ZNF875: variants seen among roughly 807,000 people sequenced by gnomAD.
ZNF875 encodes the protein HKR1, GLI-Kruppel zinc finger family member.
Under a neutral mutation model 11.2 loss-of-function variants are expected in ZNF875, and 14 were observed. The ratio of observed to expected loss-of-function variants is 1.26; its 90% CI spans 0.83 to 1.96. The LOEUF (loss-of-function observed/expected upper bound fraction) is 1.96. Ranked by LOEUF, ZNF875 falls within the 30% of genes most tolerant of loss-of-function variation. The pLI, the probability that ZNF875 is intolerant of heterozygous loss-of-function variation, is 0.00. For synonymous variants in ZNF875, 301 were observed against 281.1 expected, an observed-to-expected ratio of 1.07 and a Z score of -0.71; for missense variants, 752 against 760.4, an observed-to-expected ratio of 0.99 and a Z score of 0.13.
At chr19:37,321,500 C>G (rs1332804951) in intron 1 of ZNF875, among the ~76,000 whole-genome samples, 1 of 152,132 alleles carries the variant, frequency 6.6e-6, no homozygotes, top group Non-Finnish European at 1.5e-5. Flanking sequence ...AGATAATGAT[C>G]AATAAATACT....
chr19:37,351,253 T>C (rs2037846099), intron 4 of ZNF875, among the ~76,000 whole-genome samples: 1 of 152,226 alleles, frequency 6.6e-6, no homozygotes. Flanking sequence ...TATTCCCAAA[T>C]TTCTTTAAAA....
chr19:37,329,512 G>T (rs1198708621), intron 4 of ZNF875, among the ~76,000 whole-genome samples: 1 of 152,138 alleles, frequency 6.6e-6, no homozygotes, highest in African/African-American at 2.4e-5. Flanking sequence ...AGTGCAGTTT[G>T]TCTCTACTGG....
upstream of ZNF875, among the ~76,000 whole-genome samples, chr19:37,316,516 T>G (rs2030201722): frequency 6.8e-6 from 1 of 146,572 alleles, no homozygotes; most frequent in African/African-American, 2.6e-5. Context: ...ATTACAGGCA[T>G]GTGCCACCAC....
At chr19:37,350,858 G>T (rs1345306458) in intron 4 of ZNF875, among the ~76,000 whole-genome samples, 2 of 138,810 alleles carry the variant, frequency 1.4e-5, no homozygotes, top group Non-Finnish European at 1.5e-5. Flanking sequence ...AGGCTGGAGT[G>T]CAGTGGTGCA....
intron 2 of ZNF875, among the ~76,000 whole-genome samples, 178 bp downstream of exon 2, chr19:37,335,435 G>C (rs2034153842): frequency 6.6e-6 from 1 of 152,150 alleles, no homozygotes; most frequent in South Asian, 2.1e-4. Flanking sequence ...TTCTGTCGCT[G>C]TTCAGGGCGC....
intron 4 of ZNF875, among the ~76,000 whole-genome samples, chr19:37,325,560 T>C (rs2032284855): frequency 6.6e-6 from 1 of 152,032 alleles, no homozygotes; most frequent in Non-Finnish European, 1.5e-5. Flanking sequence ...CTTTTTTTTT[T>C]TTTGAGACAG....
chr19:37,329,303 C>T (rs1039988591), intron 4 of ZNF875, among the ~76,000 whole-genome samples: 5 of 152,136 alleles, frequency 3.3e-5, no homozygotes, highest in African/African-American at 1.2e-4. Flanking sequence ...CTGTGGTCTG[C>T]ATGTCCATGT....
chr19:37,334,705 T>A lies in ZNF875; in HGVS notation c.-134T>A, dbSNP rs755947871. ...TGGTTGGGACCCGGGAAGGCCTCCCTCTTAAGGTCTTTCCCACACCTCTGC... is the reference window on the plus strand; with the variant it reads ...TGGTTGGGACCCGGGAAGGCCTCCCACTTAAGGTCTTTCCCACACCTCTGC... On this transcript the variant is annotated 5_prime_UTR_variant, in exon 1 of 5. Coordinates refer to ENST00000392153, the MANE Select transcript of ZNF875 (RefSeq NM_001353803.2). 2 of 456,048 alleles carry A rather than the reference T, an allele frequency of 4.4e-6. No homozygotes were observed. Among genetic ancestry groups the A allele is most frequent in the South Asian group, 3.1e-5 (2 of 64,562 alleles). The allele number at this position is 456,048 out of a possible 1,614,324, so 28.3% of individuals were successfully genotyped here. A position where few individuals can be genotyped will look rare whatever the true frequency, so the allele number is the denominator to read the frequency against.
intron 2 of ZNF875, among the ~76,000 whole-genome samples, chr19:37,345,598 C>A (rs1051856465): frequency 2.0e-5 from 3 of 152,092 alleles, no homozygotes; most frequent in Non-Finnish European, 4.4e-5. Flanking sequence ...GGCTGATAGA[C>A]CCCCAGCATG....
At chr19:37,337,081 A>AT (rs1439887655) in intron 2 of ZNF875, among the ~76,000 whole-genome samples, 1 of 151,808 alleles carries the variant, frequency 6.6e-6, no homozygotes, top group Non-Finnish European at 1.5e-5. Context: ...CTGAAAATAA[A>AT]TCTGCCCTAA....
chr19:37,314,750 C>CAAAAAAA (rs767009285), upstream of ZNF875: 1 of 85,982 alleles, frequency 1.2e-5, no homozygotes, highest in Non-Finnish European at 2.6e-5. Context: ...GACTCTGTCT[C>CAAAAAAA]AAAAAAAAAA....
At position 37,363,523 on chromosome 19, in the gene ZNF875, A is replaced by G. The variant is rs1251772478; in HGVS notation, c.1671A>G (p.Ser557=). ...PNLFRHKRAH[S]GAFVCRECGQ... ...TGTTTAGGCACAAGAGGGCACACTC[A>G]GGTGCCTTTGTGTGCAGGGAGTGTG... Residue 557 remains serine (S), a synonymous_variant, in exon 5 of 5, where the codon TCA becomes TCG. Transcript: ENST00000392153. The G allele has an allele frequency of 1.4e-5, 22 of 1,613,052 alleles. No homozygotes were observed. The highest frequency in any genetic ancestry group is 2.7e-5 in the African/African-American group (2 of 74,816).
At chr19:37,360,765 G>A (rs11666138) in intron 4 of ZNF875, among the ~76,000 whole-genome samples, 2 of 151,862 alleles carry the variant, frequency 1.3e-5, no homozygotes, top group African/African-American at 4.8e-5. Flanking sequence ...TTAAGTGTTG[G>A]GATTACAGGC....
At chr19:37,324,573 T>A (rs1284714529) in intron 4 of ZNF875, among the ~76,000 whole-genome samples, 1 of 152,206 alleles carries the variant, frequency 6.6e-6, no homozygotes, top group East Asian at 1.9e-4. Context: ...GATTTTGGAT[T>A]TTTAGCTTTA....
At chr19:37,348,188 G>A (rs972906931) in intron 4 of ZNF875, among the ~76,000 whole-genome samples, 27 of 152,002 alleles carry the variant, frequency 1.8e-4, no homozygotes, top group African/African-American at 6.3e-4. Context: ...TTAAGTCTAC[G>A]ACACTTCTAG....
chr19:37,334,566 C>G (rs2033882743), upstream of ZNF875: 1 of 386,508 alleles, frequency 2.6e-6, no homozygotes. Context: ...CTCTGTAGCT[C>G]CGAAACTACA....
chr19:37,363,447 A>C lies in ZNF875; in HGVS notation c.1595A>C (p.Lys532Thr), dbSNP rs1264735183. Reference sequence around the variant, plus strand: ...CACCAGAGGACACATTCAGGGGAAAAGCCTTTTATGTGCAGGGAGTGTGGC... The same window carrying C: ...CACCAGAGGACACATTCAGGGGAAACGCCTTTTATGTGCAGGGAGTGTGGC... Reference protein sequence around the residue: ...ISHQRTHSGEKPFMCRECGRR... With the variant: ...ISHQRTHSGETPFMCRECGRR... The change falls in exon 5 of 5, where the codon AAG becomes ACG. Residue 532 changes from lysine to threonine, a missense_variant. Transcript: ENST00000392153. 1 of 1,614,096 alleles carries C rather than the reference A, an allele frequency of 6.2e-7. No homozygotes were observed. The highest frequency in any genetic ancestry group is 1.3e-5 in the African/African-American group (1 of 75,010).
intron 4 of ZNF875, among the ~76,000 whole-genome samples, chr19:37,360,706 A>T (rs906780087): frequency 1.3e-5 from 2 of 151,634 alleles, no homozygotes; most frequent in African/African-American, 4.9e-5. Context: ...ATGTTGCCCA[A>T]ACTGGCCTCT....
rs1339082652 is a variant in ZNF875, at chr19:37,362,758, G to GGC, written c.906_907insGC (p.Thr303AlafsTer48). The GGC allele has an allele frequency of 6.2e-7, 1 of 1,613,930 alleles. No homozygotes were observed. The highest frequency in any genetic ancestry group is 1.3e-5 in the African/African-American group (1 of 75,034). ...AGTCAAACCTGATCACACATCAGAG[G>GGC]ACACACTCAGGGGAGAAACCTTATG... On this transcript the variant is annotated frameshift_variant, in exon 5 of 5. Coordinates refer to ENST00000392153, the MANE Select transcript of ZNF875 (RefSeq NM_001353803.2). LOFTEE classifies it low-confidence loss of function (END_TRUNC).
Sources: gnomAD v4.1 joint callset for allele counts (sites outside exome capture counted in the v4.1 genomes callset) on GRCh38, gnomAD v4.1.1 for gene constraint, MANE v1.5 for transcripts, NCBI Gene and HGNC (gene_info 2026-07-23, HGNC 2026-07-21) for gene names.